Variants in TET2 observed in about 807,000 individuals in gnomAD.
TET2 encodes methylcytosine dioxygenase TET2.
A neutral mutation model predicts 142.9 loss-of-function variants in TET2; 299 were observed. That is an observed-to-expected ratio of 2.09 (90% CI 1.90 to 2.30). The LOEUF is 2.30. Ranked by LOEUF, TET2 falls within the 30% of genes most tolerant of loss-of-function variation. The pLI, the probability that TET2 is intolerant of heterozygous loss-of-function variation, is 0.00. For missense variants in TET2, 2,418 were observed against 2,378.0 expected (o/e 1.02, Z -0.35); for synonymous variants, 819 against 849.0 (o/e 0.96, Z 0.61).
intron 6 of TET2, among the ~76,000 whole-genome samples, chr4:105,249,001 CTTTTT>C (rs60525299): frequency 4.6e-5 from 6 of 131,788 alleles, no homozygotes; most frequent in Non-Finnish European, 8.0e-5. Context: ...TTTTCTTTTT[CTTTTT>C]TTTTTTTTTG....
At chr4:105,197,035 A>G (rs181169484) in intron 2 of TET2, among the ~76,000 whole-genome samples, 2 of 152,330 alleles carry the variant, frequency 1.3e-5, no homozygotes, top group Non-Finnish European at 2.9e-5. Context: ...AAAACATGAT[A>G]ATCTCATTTG....
At chr4:105,254,146 A>G (rs1322923698) in intron 6 of TET2, among the ~76,000 whole-genome samples, 1 of 152,184 alleles carries the variant, frequency 6.6e-6, no homozygotes, top group East Asian at 1.9e-4. Context: ...AGAATAAGTT[A>G]TGAAGTATTT....
intron 6 of TET2, among the ~76,000 whole-genome samples, chr4:105,253,477 G>A (rs111527764): frequency 6.6e-6 from 1 of 151,516 alleles, no homozygotes; most frequent in Admixed American, 6.6e-5. Flanking sequence ...CTGGTATGCA[G>A]AAAAGTGATC....
At chr4:105,151,796 C>A (rs1023769853) in intron 1 of TET2, among the ~76,000 whole-genome samples, 3 of 152,290 alleles carry the variant, frequency 2.0e-5, no homozygotes, top group Middle Eastern at 6.8e-3. Flanking sequence ...GAGACGAGGC[C>A]GGTTGTGGTG....
At chr4:105,185,595 A>G (rs1237752777) in intron 1 of TET2, among the ~76,000 whole-genome samples, 3 of 152,124 alleles carry the variant, frequency 2.0e-5, no homozygotes, top group Non-Finnish European at 1.5e-5. Context: ...CCTGGCTAAC[A>G]CGGTGAAATC....
At chr4:105,248,628 T>C (rs1030689772) in intron 6 of TET2, among the ~76,000 whole-genome samples, 2 of 152,198 alleles carry the variant, frequency 1.3e-5, no homozygotes, top group South Asian at 4.1e-4. Context: ...TTTAAGTTAT[T>C]CCCCCATGTT....
chr4:105,204,783 T>C lies in TET2; in HGVS notation c.-47+14278T>C, dbSNP rs556242054. Among the ~76,000 whole-genome samples, 3 of 152,308 alleles carry C rather than the reference T, an allele frequency of 2.0e-5. No individual in the cohort carries two copies. In the East Asian group the frequency reaches 5.8e-4, roughly 29 times the overall value. ...ACATGGCATTTTACTACGTAAATAT[T>C]CTCTGTATCTGTAGGTACAGCACCT... On this transcript the variant is annotated intron_variant, in intron 2 of 10. Transcript: ENST00000380013.
rs753711986 is a variant in TET2 at position 105,275,065 on chromosome 4, G to A, written c.4555G>A (p.Gly1519Arg). ...KQLAELLRLS[G>R]PVMQQSQQPQ... ...GTCCACAGAACTTTTGCGACTTTCA[G>A]GACCAGTCATGCAGCAGTCCCAGCA... is the stretch of plus-strand genomic sequence containing the variant. The change falls in exon 11 of 11, where the codon GGA (glycine) becomes AGA (arginine). Residue 1519 changes from glycine to arginine, a missense_variant. Transcript: ENST00000380013. 64 of 1,537,566 alleles carry A rather than the reference G, an allele frequency of 4.2e-5. No individual in the cohort carries two copies. The Middle Eastern group carries it at 5.1e-4, about 12-fold the overall frequency.
intron 2 of TET2, among the ~76,000 whole-genome samples, chr4:105,220,016 G>T (rs1727722378): frequency 6.6e-6 from 1 of 151,974 alleles, no homozygotes; most frequent in African/African-American, 2.4e-5. Flanking sequence ...TATCTCTTTT[G>T]TTCAGTGGTG....
At chr4:105,190,222 T>C in intron 1 of TET2, 138 bp from the exon 2 acceptor site, 1 of 459,328 alleles carries the variant, frequency 2.2e-6, no homozygotes, top group Admixed American at 3.9e-5. Context: ...AGAAAGATTC[T>C]CTAAGTTTTT....
At chr4:105,168,465 C>A (rs553597557) in intron 1 of TET2, among the ~76,000 whole-genome samples, 1 of 152,104 alleles carries the variant, frequency 6.6e-6, no homozygotes, top group Non-Finnish European at 1.5e-5. Flanking sequence ...GGTATTGTTT[C>A]TATCTTTCCT....
At chr4:105,274,396 C>T (rs1731098910) in intron 10 of TET2, among the ~76,000 whole-genome samples, 2 of 152,144 alleles carry the variant, frequency 1.3e-5, no homozygotes, top group Non-Finnish European at 2.9e-5. Context: ...TAAAGTAGCA[C>T]TTGTTGATTA....
Position 105,235,415 on chromosome 4 carries a change from G to C in TET2, c.1473G>C (p.Gln491His). 1 of 1,614,194 alleles carries C rather than the reference G, an allele frequency of 6.2e-7. No homozygotes were observed. Among genetic ancestry groups the C allele is most frequent in the Non-Finnish European group, 8.5e-7 (1 of 1,180,024 alleles). Residue 491 changes from glutamine to histidine, a missense_variant, in exon 3 of 11, where the codon CAG becomes CAC. Transcript: ENST00000380013. ...ATTGTGTGAACAGGAATGACATACA[G>C]ACTGCAGGGACAATGACTGTTCCAT... The part of the protein sequence containing the change: ...QNNCVNRNDI[Q>H]TAGTMTVPLC...
chr4:105,221,138 T>TTTA (rs902082360), intron 2 of TET2, among the ~76,000 whole-genome samples: 3 of 152,016 alleles, frequency 2.0e-5, no homozygotes, highest in Non-Finnish European at 4.4e-5. Context: ...TATGTTTATC[T>TTTA]TTATTATTAT....
chr4:105,192,016 C>G (rs1348874804), intron 2 of TET2, among the ~76,000 whole-genome samples: 1 of 152,126 alleles, frequency 6.6e-6, no homozygotes, highest in Non-Finnish European at 1.5e-5. Context: ...TGCTTTACCT[C>G]ACTCTGTGAG....
At chr4:105,223,722 T>G (rs1728000020) in intron 2 of TET2, among the ~76,000 whole-genome samples, 1 of 151,952 alleles carries the variant, frequency 6.6e-6, no homozygotes, top group Non-Finnish European at 1.5e-5. Flanking sequence ...ATGCAGGAGG[T>G]GTGGCCATAT....
intron 1 of TET2, among the ~76,000 whole-genome samples, chr4:105,184,429 A>G (rs1022805601): frequency 6.6e-6 from 1 of 152,210 alleles, no homozygotes; most frequent in Non-Finnish European, 1.5e-5. Context: ...TCGTAGTTAT[A>G]TAAAGACTGT....
chr4:105,158,983 C>T (rs1413567265), intron 1 of TET2, among the ~76,000 whole-genome samples: 1 of 152,074 alleles, frequency 6.6e-6, no homozygotes, highest in African/African-American at 2.4e-5. Flanking sequence ...CACGTGGGTA[C>T]CGTGCACGTG....
chr4:105,204,228 A>ATAC (rs1352644678), intron 2 of TET2, among the ~76,000 whole-genome samples: 1 of 121,308 alleles, frequency 8.2e-6, no homozygotes, highest in Non-Finnish European at 1.7e-5. Flanking sequence ...AAAAAAAAAA[A>ATAC]ATATATACAC....
Sources: allele counts gnomAD v4.1 joint callset (sites outside exome capture counted in the v4.1 genomes callset), GRCh38; gene constraint gnomAD v4.1.1; transcripts MANE v1.5; gene names NCBI Gene and HGNC (gene_info 2026-07-23, HGNC 2026-07-21).